LRRC36: variants seen among roughly 807,000 people sequenced by gnomAD.
The protein encoded by LRRC36 is leucine rich repeat containing 36.
A neutral mutation model predicts 81.1 loss-of-function variants in LRRC36; 62 were observed. That is an observed-to-expected ratio of 0.76 (90% CI 0.62 to 0.94). The LOEUF is 0.94. LRRC36 is among the 40% of genes least tolerant of loss of function. The pLI is 0.00. For missense variants in LRRC36, 761 were observed against 881.7 expected (o/e 0.86, Z 1.73); for synonymous variants, 334 against 348.6 (o/e 0.96, Z 0.47).
Position 67,367,000 on chromosome 16 carries a change from G to T in LRRC36, c.755-17G>T, listed in dbSNP as rs1325031964. On this transcript the variant is annotated splice_polypyrimidine_tract_variant and intron_variant, in intron 7 of 13. Transcript: ENST00000329956. Reference sequence around the variant, plus strand: ...AATTCTTATCATGTTTTGTTTTTTTGCCTTGGTGGTGTTTAGAGTTCAGAC... The same window carrying T: ...AATTCTTATCATGTTTTGTTTTTTTTCCTTGGTGGTGTTTAGAGTTCAGAC... The T allele has an allele frequency of 3.2e-6, 5 of 1,565,170 alleles. No individual in the cohort carries two copies. Among genetic ancestry groups the T allele is most frequent in the African/African-American group, 1.4e-5 (1 of 72,706 alleles).
chr16:67,350,312 A>G, intron 5 of LRRC36, 22 bp downstream of exon 5: 1 of 1,570,342 alleles, frequency 6.4e-7, no homozygotes, highest in Non-Finnish European at 8.7e-7. Context: ...CCCTGTGATT[A>G]TAAAATGATT....
At chr16:67,336,501 G>A (rs2037767562) in intron 1 of LRRC36, 1 of 152,174 alleles carries the variant, frequency 6.6e-6, no homozygotes, top group Non-Finnish European at 1.5e-5. Flanking sequence ...AAAGTTTTAA[G>A]ATTTGGGCCA....
intron 10 of LRRC36, among the ~76,000 whole-genome samples, chr16:67,375,910 A>G (rs984686588): frequency 6.6e-6 from 1 of 152,220 alleles, no homozygotes; most frequent in South Asian, 2.1e-4. Flanking sequence ...TGTTGGCTTC[A>G]TGCATTTATT....
rs200896654 is a variant in LRRC36, at chr16:67,337,370, C to CT, written c.71-4573dup. Among the ~76,000 whole-genome samples the CT allele has an allele frequency of 5.0e-3, 703 of 139,408 alleles. 5 individuals carry two copies. The highest frequency in any genetic ancestry group is 0.01 in the African/African-American group (387 of 38,384). The allele number at this position is 139,408 out of a possible 152,430, so 91.5% of individuals were successfully genotyped here. The stretch of plus-strand genomic sequence containing the variant: ...TCTTTCTTTTATTTTTCTTTTCTTT[C>CT]TTTTTTTTTTTTTTGAGAAGGAGTT... On this transcript the variant is annotated intron_variant, in intron 1 of 13. Transcript: ENST00000329956.
intron 5 of LRRC36, among the ~76,000 whole-genome samples, chr16:67,353,787 G>A (rs866373674): frequency 6.6e-6 from 1 of 152,166 alleles, no homozygotes; most frequent in Non-Finnish European, 1.5e-5. Flanking sequence ...CCAAAGAGGG[G>A]AAATAACTTG....
At chr16:67,346,515 T>C in intron 3 of LRRC36, 67 bp downstream of exon 3, 1 of 1,057,010 alleles carries the variant, frequency 9.5e-7, no homozygotes. Context: ...CTTAACCTTT[T>C]GGATGTTGGC....
intron 4 of LRRC36, 117 bp from the exon 5 acceptor site, chr16:67,350,085 C>T (rs2038548608): frequency 1.5e-6 from 1 of 676,684 alleles, no homozygotes; most frequent in Non-Finnish European, 2.5e-6. Flanking sequence ...TTAATATGTT[C>T]TAGAGCATTT....
chr16:67,330,700 A>T (rs1235099792), intron 1 of LRRC36, among the ~76,000 whole-genome samples: 1 of 151,994 alleles, frequency 6.6e-6, no homozygotes, highest in Non-Finnish European at 1.5e-5. Context: ...CATCTGTACT[A>T]AAAATACAAA....
intron 3 of LRRC36, 199 bp from the exon 4 acceptor site, chr16:67,347,296 C>T (rs1182283086): frequency 9.6e-6 from 9 of 939,548 alleles, no homozygotes; most frequent in East Asian, 3.3e-5. Flanking sequence ...AGGCAGTGGT[C>T]GCTATGGCTT....
rs1214762534 is a variant in LRRC36 at position 67,350,306 on chromosome 16, G to T, written c.577+16G>T. 1 of 1,589,250 alleles carries T rather than the reference G, an allele frequency of 6.3e-7. No individual in the cohort carries two copies. Among genetic ancestry groups the T allele is most frequent in the Non-Finnish European group, 8.6e-7 (1 of 1,161,606 alleles). ...ATTGAAATGGGTAAGTTTTCTCCCT[G>T]TGATTATAAAATGATTAAAACATCA... On this transcript the variant is annotated intron_variant, in intron 5 of 13. Coordinates refer to ENST00000329956, the MANE Select transcript of LRRC36 (RefSeq NM_018296.6).
chr16:67,379,687 A>G (rs1439845728), intron 12 of LRRC36, among the ~76,000 whole-genome samples: 1 of 152,266 alleles, frequency 6.6e-6, no homozygotes, highest in African/African-American at 2.4e-5. Flanking sequence ...CCTAGGCAAC[A>G]GAGCAAGACT....
rs1231344098 is a variant in LRRC36 at position 67,346,459 on chromosome 16, C to T, written c.391+11C>T. On this transcript the variant is annotated intron_variant, in intron 3 of 13. Coordinates refer to ENST00000329956, the MANE Select transcript of LRRC36 (RefSeq NM_018296.6). ...CTCTGGAGAAATTAGGTAAGACCTT[C>T]CTTCTCTGTTCCTGTCCACAGAATC... 23 of 1,543,142 alleles carry T rather than the reference C, an allele frequency of 1.5e-5. No homozygotes were observed. Among genetic ancestry groups the T allele is most frequent in the Non-Finnish European group, 2.0e-5 (23 of 1,130,388 alleles).
intron 12 of LRRC36, among the ~76,000 whole-genome samples, chr16:67,380,304 T>C (rs1190916275): frequency 1.3e-5 from 2 of 152,182 alleles, no homozygotes. Flanking sequence ...GAAAATTGTT[T>C]CAGTTTACTC....
chr16:67,353,571 G>A (rs1364474028), intron 5 of LRRC36, among the ~76,000 whole-genome samples: 1 of 151,938 alleles, frequency 6.6e-6, no homozygotes, highest in Non-Finnish European at 1.5e-5. Context: ...ATTTTTAGTG[G>A]AGACAGGGTT....
At chr16:67,366,717 T>G (rs1433858077) in intron 7 of LRRC36, among the ~76,000 whole-genome samples, 1 of 151,198 alleles carries the variant, frequency 6.6e-6, no homozygotes, top group Admixed American at 6.6e-5. Context: ...GCCACTGCAC[T>G]CCAGCCTGGG....
In LRRC36 at chr16:67,385,137, T is replaced by C. The variant is rs1597518872; in HGVS notation, c.*48T>C. On this transcript the variant is annotated 3_prime_UTR_variant, in exon 14 of 14. Transcript: ENST00000329956. ...CAGCTTCCCTGGTCCACAGAGGCTCTCACCGCCATTGCCACCAGTATGGTG... is the reference window on the plus strand; with the variant it reads ...CAGCTTCCCTGGTCCACAGAGGCTCCCACCGCCATTGCCACCAGTATGGTG... 2.8e-6 allele frequency: 4 copies of C among 1,421,912 alleles called. No individual in the cohort carries two copies. The highest frequency in any genetic ancestry group is 1.7e-5 in the Admixed American group (1 of 58,308). The allele number at this position is 1,421,912 out of a possible 1,614,324, so 88.1% of individuals were successfully genotyped here. A position where few individuals can be genotyped will look rare whatever the true frequency, so the allele number is the denominator to read the frequency against.
chr16:67,381,949 C>T (rs1014795117), intron 12 of LRRC36, among the ~76,000 whole-genome samples, 184 bp from the exon 13 acceptor site: 2 of 152,168 alleles, frequency 1.3e-5, no homozygotes, highest in Non-Finnish European at 2.9e-5. Context: ...AATTTTAACT[C>T]ATATCTGTTG....
intron 12 of LRRC36, among the ~76,000 whole-genome samples, chr16:67,380,704 C>T (rs1049132155): frequency 7.2e-5 from 11 of 152,092 alleles, no homozygotes; most frequent in Non-Finnish European, 1.5e-4. Context: ...GGTATTTGTC[C>T]ACTAGATACT....
At position 67,367,124 on chromosome 16, in the gene LRRC36, C is replaced by T. The variant is rs2039433967; in HGVS notation, c.862C>T (p.Pro288Ser). The T allele has an allele frequency of 3.1e-6, 5 of 1,614,048 alleles. No individual in the cohort carries two copies. Among genetic ancestry groups the T allele is most frequent in the East Asian group, 2.2e-5 (1 of 44,876 alleles). Residue 288 changes from proline to serine, a missense_variant, in exon 8 of 14, where the codon CCA becomes TCA. By Grantham distance (74) the Pro-to-Ser change is moderately conservative (BLOSUM62 -1). Transcript: ENST00000329956. Reference protein sequence around the residue: ...FLDNKSSGSSPEKELIPKPDT... With the variant: ...FLDNKSSGSSSEKELIPKPDT... ...GGACAATAAGTCTTCAGGTTCTTCT[C>T]CAGAAAAGGAATTGATACCAAAACC...
Sources: allele counts gnomAD v4.1 joint callset (sites outside exome capture counted in the v4.1 genomes callset), GRCh38; gene constraint gnomAD v4.1.1; transcripts MANE v1.5; gene names NCBI Gene and HGNC (gene_info 2026-07-23, HGNC 2026-07-21).